The following FAM228B variants were observed in gnomAD, a reference collection of about 807,000 sequenced individuals.
FAM228B encodes the protein family with sequence similarity 228 member B, also known as protein FAM228B.
A neutral mutation model predicts 42.6 loss-of-function variants in FAM228B; 38 were observed. That is an observed-to-expected ratio of 0.89 (90% CI 0.69 to 1.17). The LOEUF is 1.17. Ranked by LOEUF, FAM228B falls within the 50% of genes most tolerant of loss-of-function variation. The probability of loss-of-function intolerance (pLI) is 0.00; values close to 1 mark genes in which losing one functional copy is unlikely to be tolerated. For synonymous variants in FAM228B, 109 were observed against 122.3 expected (o/e 0.89, Z 0.72); for missense variants, 344 against 367.3 (o/e 0.94, Z 0.52).
Position 24,143,509 on chromosome 2 carries a change from A to T in FAM228B, c.442-3239A>T, listed in dbSNP as rs192445837. Among the ~76,000 whole-genome samples, 193 of 152,270 alleles carry T rather than the reference A, an allele frequency of 1.3e-3. 2 individuals carry two copies. The highest frequency in any genetic ancestry group is 4.6e-3 in the African/African-American group (191 of 41,554). On this transcript the variant is annotated intron_variant, in intron 5 of 10. Coordinates refer to ENST00000615575, the MANE Select transcript of FAM228B (RefSeq NM_001145710.2). ...ATGCCTGGCCACTCCTACTTTTTTC[A>T]ATTACGTATCTCTATATGGATTTTC... is the stretch of plus-strand genomic sequence containing the variant.
At chr2:24,119,254 G>C (rs1251023884), upstream of FAM228B, among the ~76,000 whole-genome samples, 1 of 151,944 alleles carries the variant, frequency 6.6e-6, no homozygotes, top group Non-Finnish European at 1.5e-5. Context: ...TGCCAAATCA[G>C]GGTCCTAAGA....
chr2:24,115,515 AT>A (rs1189045424), intron 3 of FAM228B: 3 of 1,414,448 alleles, frequency 2.1e-6, no homozygotes, highest in South Asian at 2.4e-5. Flanking sequence ...ACCATAAAAT[AT>A]TTTTTCTTTA....
At chr2:24,124,028 A>G (rs919171472) in intron 1 of FAM228B, 1 of 196,582 alleles carries the variant, frequency 5.1e-6, no homozygotes, top group African/African-American at 2.3e-5. Context: ...AGTGTTGCAA[A>G]TGGGACTCCG....
chr2:24,139,686 C>T (rs994305860), intron 5 of FAM228B, among the ~76,000 whole-genome samples: 2 of 152,000 alleles, frequency 1.3e-5, no homozygotes, highest in Non-Finnish European at 2.9e-5. Flanking sequence ...TTAAAAATTC[C>T]ATAGACTTTT....
chr2:24,101,525 A>G (rs1665603978), intron 3 of FAM228B, among the ~76,000 whole-genome samples: 2 of 152,140 alleles, frequency 1.3e-5, no homozygotes, highest in Admixed American at 6.5e-5. Context: ...ATTTTAAATA[A>G]TAATTATTAA....
intron 7 of FAM228B, among the ~76,000 whole-genome samples, chr2:24,159,299 G>A (rs145943666): frequency 6.6e-6 from 1 of 152,212 alleles, no homozygotes; most frequent in African/African-American, 2.4e-5. Flanking sequence ...AAAGAATCAT[G>A]TATTGAGTTG....
intron 3 of FAM228B, among the ~76,000 whole-genome samples, chr2:24,116,581 G>A (rs993303722): frequency 6.6e-6 from 1 of 152,078 alleles, no homozygotes; most frequent in Non-Finnish European, 1.5e-5. Context: ...CTGGCCGGGT[G>A]CAGTGGCTCA....
At chr2:24,092,183 C>T (rs1202792126) in intron 2 of FAM228B, among the ~76,000 whole-genome samples, 3 of 132,834 alleles carry the variant, frequency 2.3e-5, no homozygotes, top group Non-Finnish European at 3.1e-5. Flanking sequence ...CATACCACTG[C>T]ACTCCAGCCT....
Position 24,077,585 on chromosome 2 carries a change from G to T in FAM228B, c.-290+616G>T. 6.2e-7 allele frequency: 1 copy of T among 1,613,552 alleles called. No homozygotes were observed. The highest frequency in any genetic ancestry group is 8.5e-7 in the Non-Finnish European group (1 of 1,179,682). The stretch of plus-strand genomic sequence containing the variant: ...TGTCCTGCCCCATCCTCCTTCACTG[G>T]GGCAGTTCCAGGACGATCTTGCCTA... On this transcript the variant is annotated intron_variant, in intron 1 of 10. Coordinates refer to the FAM228B transcript ENST00000613899. The surrounding 1 kb of genome is among the most constrained non-coding windows in gnomAD (Gnocchi z 5.5).
upstream of FAM228B, chr2:24,122,421 T>C: frequency 6.2e-6 from 10 of 1,608,486 alleles, no homozygotes; most frequent in Admixed American, 1.7e-5. Flanking sequence ...TTTCTTACAT[T>C]GAAACCTGGT....
chr2:24,078,495 A>G (rs956842834), intron 1 of FAM228B, among the ~76,000 whole-genome samples: 23 of 151,854 alleles, frequency 1.5e-4, no homozygotes, highest in Non-Finnish European at 1.3e-4. Flanking sequence ...AAAAAAAAAA[A>G]AAAAAAAAGT....
intron 3 of FAM228B, among the ~76,000 whole-genome samples, chr2:24,101,673 T>G (rs1267211477): frequency 6.6e-6 from 1 of 152,016 alleles, no homozygotes; most frequent in Non-Finnish European, 1.5e-5. Flanking sequence ...GTTTTTATTA[T>G]TTTATTTTAT....
intron 2 of FAM228B, among the ~76,000 whole-genome samples, chr2:24,133,880 C>G (rs990411649): frequency 3.3e-5 from 5 of 152,124 alleles, no homozygotes; most frequent in African/African-American, 1.2e-4. Flanking sequence ...CTACTACACT[C>G]TAGCCTAAGT....
At chr2:24,082,229 C>G (rs998287636) in intron 2 of FAM228B, among the ~76,000 whole-genome samples, 1 of 152,178 alleles carries the variant, frequency 6.6e-6, no homozygotes, top group African/African-American at 2.4e-5. Flanking sequence ...CTCCTGGGCT[C>G]GTGATCTGTC....
chr2:24,147,526 A>C (rs1409885867), intron 7 of FAM228B, among the ~76,000 whole-genome samples: 1 of 151,976 alleles, frequency 6.6e-6, no homozygotes, highest in Non-Finnish European at 1.5e-5. Context: ...TGTATATTAG[A>C]TCACTTGATG....
chr2:24,081,085 A>C, intron 2 of FAM228B: 1 of 1,526,602 alleles, frequency 6.6e-7, no homozygotes, highest in East Asian at 2.3e-5. Context: ...CACATTCCCC[A>C]CACAGGCATA....
intron 2 of FAM228B, chr2:24,085,830 A>C (rs1282253189): frequency 6.6e-6 from 1 of 152,272 alleles, no homozygotes; most frequent in Non-Finnish European, 1.5e-5. Flanking sequence ...TGCTTTAACA[A>C]GTATCATTGA....
At chr2:24,122,583 G>T, upstream of FAM228B, 1 of 1,337,840 alleles carries the variant, frequency 7.5e-7, no homozygotes, top group Non-Finnish European at 1.1e-6. Context: ...CATTGACTCT[G>T]GCTAGCTTTT....
rs78337676 is a variant in FAM228B at position 24,135,980 on chromosome 2, T to G, written c.168+793T>G. ...GAAGGTCAGTTATAGTGAAGGGTTT[T>G]TTTTTTTTTTTTTTCCATAGAATGT... On this transcript the variant is annotated intron_variant, in intron 3 of 10. Transcript: ENST00000615575. 1.5e-3 allele frequency among the ~76,000 whole-genome samples: 234 copies of G among 151,160 alleles called. 3 individuals are homozygous for G. The highest frequency in any genetic ancestry group is 5.1e-3 in the African/African-American group (212 of 41,240).
Sources: gnomAD v4.1 joint callset for allele counts (sites outside exome capture counted in the v4.1 genomes callset) on GRCh38, gnomAD v4.1.1 for gene constraint, Gnocchi (gnomAD v3.1) non-coding constraint, MANE v1.5 for transcripts, NCBI Gene and HGNC (gene_info 2026-07-23, HGNC 2026-07-21) for gene names.